The following LRRC4C variants were observed in gnomAD, a reference collection of about 807,000 sequenced individuals.
The protein encoded by LRRC4C is leucine rich repeat containing 4C.
LRRC4C carries 5 observed loss-of-function variants against 33.6 expected under a neutral mutation model. That is an observed-to-expected ratio of 0.15 (90% CI 0.08 to 0.31). The LOEUF (loss-of-function observed/expected upper bound fraction) is 0.31. Ranked by LOEUF, LRRC4C falls within the 10% of genes least tolerant of loss-of-function variation. LRRC4C has a pLI of 1.00. For synonymous variants in LRRC4C, 329 were observed against 302.0 expected, an observed-to-expected ratio of 1.09 and a Z score of -0.93; for missense variants, 560 against 796.7, an observed-to-expected ratio of 0.70 and a Z score of 3.58.
At chr11:40,272,673 C>T (rs1314892019) in intron 4 of LRRC4C, among the ~76,000 whole-genome samples, 1 of 151,976 alleles carries the variant, frequency 6.6e-6, no homozygotes, top group Admixed American at 6.6e-5. Context: ...TTAAAAAATG[C>T]AATAAAGTAG....
intron 1 of LRRC4C, among the ~76,000 whole-genome samples, chr11:40,957,619 G>T (rs1959017061): frequency 6.6e-6 from 1 of 151,746 alleles, no homozygotes; most frequent in African/African-American, 2.4e-5. Flanking sequence ...ATGGTTTTCT[G>T]CATATAATGG....
intron 1 of LRRC4C, among the ~76,000 whole-genome samples, chr11:41,441,718 T>A (rs996823366): frequency 2.6e-5 from 4 of 151,936 alleles, no homozygotes; most frequent in Non-Finnish European, 2.9e-5. Context: ...AGCAATTATC[T>A]GGCAACAAAG....
chr11:41,284,620 A>G (rs1337093639), intron 1 of LRRC4C, among the ~76,000 whole-genome samples: 1 of 152,170 alleles, frequency 6.6e-6, no homozygotes, highest in Non-Finnish European at 1.5e-5. Flanking sequence ...TGTCCCCAGC[A>G]GCCCTCCCCA....
At chr11:40,733,061 GTTTTTTTTTTTTT>G (rs544471413) in intron 2 of LRRC4C, among the ~76,000 whole-genome samples, 3 of 57,602 alleles carry the variant, frequency 5.2e-5, no homozygotes, top group Admixed American at 3.1e-4. Context: ...TATGAATATA[GTTTTTTTTTTTTT>G]TTTTTTTTTT....
At chr11:40,387,709 T>C (rs1291610456) in intron 3 of LRRC4C, among the ~76,000 whole-genome samples, 1 of 152,150 alleles carries the variant, frequency 6.6e-6, no homozygotes, top group Non-Finnish European at 1.5e-5. Context: ...AAAAGGATAG[T>C]GACTTTTATG....
At chr11:40,575,001 C>G (rs1448216781) in intron 3 of LRRC4C, among the ~76,000 whole-genome samples, 1 of 152,186 alleles carries the variant, frequency 6.6e-6, no homozygotes, top group Non-Finnish European at 1.5e-5. Context: ...GGCTGCAAGA[C>G]TCCTACCCCA....
At chr11:40,127,437 G>A (rs11035700) in intron 6 of LRRC4C, among the ~76,000 whole-genome samples, 7,655 of 152,122 alleles carry the variant, frequency 0.05, 261 homozygotes, top group Middle Eastern at 0.075. Flanking sequence ...CTTAATGGAA[G>A]TAAAGGACTT....
chr11:40,918,179 A>C (rs2136333545), intron 2 of LRRC4C, among the ~76,000 whole-genome samples: 1 of 152,218 alleles, frequency 6.6e-6, no homozygotes, highest in Non-Finnish European at 1.5e-5. Flanking sequence ...TCTAGGACAC[A>C]GCCTTTTAGT....
At chr11:40,844,779 T>C (rs528348500) in intron 2 of LRRC4C, among the ~76,000 whole-genome samples, 1 of 152,292 alleles carries the variant, frequency 6.6e-6, no homozygotes, top group African/African-American at 2.4e-5. Context: ...AAGGCCATTT[T>C]ACAACAATGA....
chr11:41,077,780 G>T (rs1022921026), intron 1 of LRRC4C, among the ~76,000 whole-genome samples: 1 of 152,132 alleles, frequency 6.6e-6, no homozygotes, highest in African/African-American at 2.4e-5. Context: ...TCCAGAAAAT[G>T]GGTTTTTCTT....
At chr11:41,448,546 T>G (rs1955915302) in intron 1 of LRRC4C, among the ~76,000 whole-genome samples, 1 of 152,098 alleles carries the variant, frequency 6.6e-6, no homozygotes, top group African/African-American at 2.4e-5. Flanking sequence ...CCTCAGGTGA[T>G]CCATGTGCCT....
intron 3 of LRRC4C, among the ~76,000 whole-genome samples, chr11:40,495,703 G>T (rs1032896393): frequency 6.7e-6 from 1 of 148,670 alleles, no homozygotes; most frequent in Non-Finnish European, 1.5e-5. Flanking sequence ...TTGGGTGAAA[G>T]AATCTCTTAG....
At chr11:40,918,182 C>G (rs16935140) in intron 2 of LRRC4C, among the ~76,000 whole-genome samples, 3,243 of 152,062 alleles carry the variant, frequency 0.021, 116 homozygotes, top group African/African-American at 0.068. Context: ...AGGACACAGC[C>G]TTTTAGTTAT....
intron 3 of LRRC4C, among the ~76,000 whole-genome samples, chr11:40,559,783 C>T (rs1250386542): frequency 1.3e-5 from 2 of 152,018 alleles, no homozygotes. Flanking sequence ...CGAGTGGTAT[C>T]TCATTGAGGT....
intron 2 of LRRC4C, among the ~76,000 whole-genome samples, chr11:40,879,406 C>T (rs1240744874): frequency 2.0e-5 from 3 of 152,102 alleles, no homozygotes; most frequent in East Asian, 3.9e-4. Context: ...AAGATGATGG[C>T]TTACTTGTTC....
intron 3 of LRRC4C, among the ~76,000 whole-genome samples, chr11:40,355,786 A>T (rs893214465): frequency 1.3e-5 from 2 of 152,102 alleles, no homozygotes; most frequent in African/African-American, 4.8e-5. Context: ...AGGTACTGTG[A>T]TCACAAACCT....
chr11:40,629,672 T>C (rs1257533057), intron 3 of LRRC4C, among the ~76,000 whole-genome samples: 1 of 152,196 alleles, frequency 6.6e-6, no homozygotes, highest in Non-Finnish European at 1.5e-5. Flanking sequence ...AGGCACTTGA[T>C]AGAATGTAGA....
At chr11:40,305,942 G>T (rs1045044006) in intron 4 of LRRC4C, among the ~76,000 whole-genome samples, 2 of 152,132 alleles carry the variant, frequency 1.3e-5, no homozygotes, top group African/African-American at 4.8e-5. Flanking sequence ...GCGTTACTAT[G>T]GGTTCTGTCT....
chr11:41,444,399 A>G (rs562972951), intron 1 of LRRC4C, among the ~76,000 whole-genome samples: 10 of 152,318 alleles, frequency 6.6e-5, no homozygotes, highest in African/African-American at 9.6e-5. Context: ...GTATGGAAGG[A>G]TGTGTATATG....
Sources: allele counts gnomAD v4.1 joint callset (sites outside exome capture counted in the v4.1 genomes callset), GRCh38; gene constraint gnomAD v4.1.1; transcripts MANE v1.5; gene names NCBI Gene and HGNC (gene_info 2026-07-23, HGNC 2026-07-21).